PLD1: variants seen among roughly 807,000 people sequenced by gnomAD.
The protein encoded by PLD1 is phospholipase D1.
Under a neutral mutation model 137.1 loss-of-function variants are expected in PLD1, and 112 were observed. The observed-to-expected ratio is 0.82, with a 90% CI of 0.70 to 0.96. The LOEUF is 0.96. PLD1 is among the 40% of genes least tolerant of loss of function. The pLI, the probability that PLD1 is intolerant of heterozygous loss-of-function variation, is 0.00. For synonymous variants in PLD1, 431 were observed against 454.7 expected (o/e 0.95, Z 0.66); for missense variants, 1,321 against 1,342.0 (o/e 0.98, Z 0.24).
At chr3:171,605,751 G>A (rs1418310659) in intron 25 of PLD1, among the ~76,000 whole-genome samples, 9 of 152,170 alleles carry the variant, frequency 5.9e-5, no homozygotes, top group African/African-American at 1.2e-4. Context: ...TGTGGTAGGC[G>A]GGACAGATGA....
intron 19 of PLD1, among the ~76,000 whole-genome samples, chr3:171,669,358 C>A (rs1390036353): frequency 1.3e-5 from 2 of 150,958 alleles, no homozygotes; most frequent in Admixed American, 1.3e-4. Context: ...CTAGAACAAG[C>A]TTGGTGACCT....
chr3:171,751,909 A>G (rs944164548), intron 1 of PLD1, among the ~76,000 whole-genome samples: 3 of 152,026 alleles, frequency 2.0e-5, no homozygotes, highest in African/African-American at 7.2e-5. Context: ...AAGCTGGGGC[A>G]GGAGAATGGT....
chr3:171,650,317 T>C (rs1314483442), intron 21 of PLD1, among the ~76,000 whole-genome samples: 1 of 152,170 alleles, frequency 6.6e-6, no homozygotes, highest in African/African-American at 2.4e-5. Flanking sequence ...TGCTTTCAGG[T>C]GAACTCCAGA....
chr3:171,705,648 A>C (rs1273527989), intron 11 of PLD1, among the ~76,000 whole-genome samples: 25 of 152,236 alleles, frequency 1.6e-4, no homozygotes, highest in Admixed American at 1.6e-3. Flanking sequence ...TACAAGCTAA[A>C]ATCATAATAA....
chr3:171,621,988 TA>T (rs962936490), intron 23 of PLD1, among the ~76,000 whole-genome samples: 1 of 152,148 alleles, frequency 6.6e-6, no homozygotes, highest in African/African-American at 2.4e-5. Context: ...TTCACAGTGC[TA>T]AAAAAAGCTA....
chr3:171,713,669 T>C (rs548688390), intron 9 of PLD1, among the ~76,000 whole-genome samples: 1 of 152,340 alleles, frequency 6.6e-6, no homozygotes, highest in East Asian at 1.9e-4. Context: ...TCTGTTAACA[T>C]AGGCAAACAT....
intron 24 of PLD1, among the ~76,000 whole-genome samples, chr3:171,616,889 A>C (rs1392208): frequency 0.26 from 38,750 of 151,950 alleles, 5,306 homozygotes; most frequent in Admixed American, 0.31. Context: ...GAACGCACGA[A>C]CTCTACCCCG....
rs1223161331 is a variant in PLD1 at position 171,734,868 on chromosome 3, T to C, written c.537A>G (p.Arg179=). The C allele has an allele frequency of 5.0e-6, 8 of 1,588,608 alleles. No homozygotes were observed. The highest frequency in any genetic ancestry group is 6.9e-6 in the Non-Finnish European group (8 of 1,156,922). Residue 179 remains arginine (R), a synonymous_variant, in exon 5 of 27, where the codon AGA becomes AGG. Transcript: ENST00000351298. The part of the protein sequence containing the change: ...NMIREEQFLG[R]RKQLEDYLTK... ...ACAGAATAGTGAAGAAACTTACTCTTCTACCAAGGAATTGTTCTTCTCTTA... is the reference window on the plus strand; with the variant it reads ...ACAGAATAGTGAAGAAACTTACTCTCCTACCAAGGAATTGTTCTTCTCTTA...
chr3:171,662,255 C>A lies in PLD1; in HGVS notation c.2230-85G>T, dbSNP rs991500046. On this transcript the variant is annotated intron_variant, in intron 19 of 26. Transcript: ENST00000351298. ...TAATACAATGAAGTCACTCCTTTTT[C>A]TTCCAGACGACTGAATGATTACAGT... The A allele has an allele frequency of 4.0e-6, 3 of 752,148 alleles. No homozygotes were observed. In the African/African-American group the frequency reaches 5.1e-5, roughly 13 times the overall value. 46.6% of individuals were successfully genotyped at this position (752,148 alleles called of 1,614,324 possible).
intron 1 of PLD1, among the ~76,000 whole-genome samples, chr3:171,762,244 A>G (rs1196213618): frequency 6.6e-6 from 1 of 152,242 alleles, no homozygotes; most frequent in Non-Finnish European, 1.5e-5. Context: ...TTGGTCTAGG[A>G]GAAGCCATAG....
At chr3:171,605,793 C>T (rs868736962) in intron 25 of PLD1, among the ~76,000 whole-genome samples, 41 of 152,010 alleles carry the variant, frequency 2.7e-4, no homozygotes, top group Non-Finnish European at 1.2e-4. Flanking sequence ...ACTAAAGTCT[C>T]GAGGCACACT....
intron 16 of PLD1, among the ~76,000 whole-genome samples, chr3:171,685,992 G>A (rs375528329): frequency 3.9e-5 from 6 of 152,068 alleles, no homozygotes; most frequent in Middle Eastern, 3.4e-3. Context: ...GGTCATGCAC[G>A]CCTATAATCC....
intron 1 of PLD1, among the ~76,000 whole-genome samples, chr3:171,788,301 G>A (rs1167089945): frequency 4.6e-5 from 6 of 129,704 alleles, no homozygotes; most frequent in Non-Finnish European, 9.4e-5. Flanking sequence ...TTTCTGGGCT[G>A]GTAAACTGAT....
chr3:171,738,214 C>A, intron 1 of PLD1, 132 bp from the exon 2 acceptor site: 3 of 404,854 alleles, frequency 7.4e-6, no homozygotes, highest in Non-Finnish European at 1.3e-5. Flanking sequence ...CTCAGTTATC[C>A]AAAACAACCT....
At chr3:171,718,942 T>TA (rs374279116) in intron 8 of PLD1, among the ~76,000 whole-genome samples, 2 of 152,164 alleles carry the variant, frequency 1.3e-5, no homozygotes, top group East Asian at 1.9e-4. Context: ...CCGTCTGTTT[T>TA]AAAAAGATAC....
chr3:171,639,542 AAT>A (rs1360950181), intron 23 of PLD1, among the ~76,000 whole-genome samples: 1 of 34,442 alleles, frequency 2.9e-5, no homozygotes, highest in East Asian at 5.4e-4. Context: ...ATATTATATA[AAT>A]ATATATTCAT....
intron 21 of PLD1, among the ~76,000 whole-genome samples, chr3:171,658,920 C>T (rs112574644): frequency 0.02 from 3,052 of 152,086 alleles, 83 homozygotes; most frequent in African/African-American, 0.066. Context: ...CTTTTTTAAG[C>T]GAACACAGCT....
chr3:171,683,524 G>A (rs900880979), intron 16 of PLD1, among the ~76,000 whole-genome samples: 6 of 122,956 alleles, frequency 4.9e-5, no homozygotes, highest in South Asian at 2.4e-4. Context: ...TCCTTCTGTC[G>A]GAAACACCCT....
rs9290424 is a variant in PLD1 at position 171,671,599 on chromosome 3, A to C, written c.2229+2901T>G. Among the ~76,000 whole-genome samples the C allele has an allele frequency of 4.7e-3, 720 of 151,936 alleles. 4 individuals are homozygous for C. The highest frequency in any genetic ancestry group is 0.017 in the African/African-American group (696 of 41,420). ...TAATAAGTTCTTCATGTGTATAAAC[A>C]TTTGGTCTCAAGGTATTTGTTTGGA... On this transcript the variant is annotated intron_variant, in intron 19 of 26. Transcript: ENST00000351298.
Sources: gnomAD v4.1 joint callset for allele counts (sites outside exome capture counted in the v4.1 genomes callset) on GRCh38, gnomAD v4.1.1 for gene constraint, MANE v1.5 for transcripts, NCBI Gene and HGNC (gene_info 2026-07-23, HGNC 2026-07-21) for gene names.